The following RNF149 variants were observed in gnomAD, a reference collection of about 807,000 sequenced individuals.
The protein encoded by RNF149 is E3 ubiquitin-protein ligase RNF149.
Under a neutral mutation model 39.0 loss-of-function variants are expected in RNF149, and 21 were observed. The observed-to-expected ratio is 0.54, with a 90% CI of 0.38 to 0.77. The LOEUF (loss-of-function observed/expected upper bound fraction) is 0.77. RNF149 is among the 30% of genes least tolerant of loss of function. The probability of loss-of-function intolerance (pLI) is 0.00; values close to 1 mark genes in which losing one functional copy is unlikely to be tolerated. For synonymous variants in RNF149, 209 were observed against 213.6 expected (o/e 0.98, Z 0.19); for missense variants, 493 against 534.9 (o/e 0.92, Z 0.77).
downstream of RNF149, among the ~76,000 whole-genome samples, chr2:101,274,200 A>C (rs368349627): frequency 4.6e-5 from 7 of 152,178 alleles, no homozygotes; most frequent in South Asian, 2.1e-4. Context: ...TCACCTTGCC[A>C]AAGACCACAT....
chr2:101,307,827 T>A (rs75565834), intron 1 of RNF149: 1 of 978,236 alleles, frequency 1.0e-6, no homozygotes. Flanking sequence ...TTAGGAATCA[T>A]GAGATTTCCT....
At chr2:101,308,005 C>T (rs963560221) in intron 1 of RNF149, 124 bp downstream of exon 1, 8 of 1,455,560 alleles carry the variant, frequency 5.5e-6, no homozygotes, top group Admixed American at 2.8e-5. Context: ...AAAGTTCCAA[C>T]AGCCAGAGGC....
intron 1 of RNF149, among the ~76,000 whole-genome samples, chr2:101,296,730 A>G (rs1288519437): frequency 6.6e-6 from 1 of 152,128 alleles, no homozygotes; most frequent in Non-Finnish European, 1.5e-5. Flanking sequence ...TAAAGACTTA[A>G]GTGTATATAT....
intron 1 of RNF149, among the ~76,000 whole-genome samples, chr2:101,305,323 C>A (rs1013209787): frequency 1.3e-5 from 2 of 152,108 alleles, no homozygotes; most frequent in Non-Finnish European, 2.9e-5. Context: ...GAATTAATTC[C>A]ATTCTCAAAA....
In RNF149 at chr2:101,295,033, A is replaced by G. The variant is rs776712042; in HGVS notation, c.609T>C (p.Phe203=). ...QEFISGQSVV[F]VAIAFITMMI... is the part of the protein sequence containing the mutation. Reference sequence around the variant, plus strand: ...TCATGGTGATGAAGGCAATGGCCACAAACACCACAGACTGACCGCTGATGA... The same window carrying G: ...TCATGGTGATGAAGGCAATGGCCACGAACACCACAGACTGACCGCTGATGA... The change falls in exon 2 of 7, where the codon TTT becomes TTC. Residue 203 remains phenylalanine (F), a synonymous_variant. Coordinates refer to ENST00000295317, the MANE Select transcript of RNF149 (RefSeq NM_173647.4). 3 of 1,614,064 alleles carry G rather than the reference A, an allele frequency of 1.9e-6. No individual in the cohort carries two copies. Among genetic ancestry groups the G allele is most frequent in the East Asian group, 4.5e-5 (2 of 44,888 alleles).
At chr2:101,273,655 G>A (rs1276613529), downstream of RNF149, among the ~76,000 whole-genome samples, 1 of 151,828 alleles carries the variant, frequency 6.6e-6, no homozygotes, top group Non-Finnish European at 1.5e-5. Context: ...TAAATTTTTA[G>A]TAGAGATGAG....
downstream of RNF149, chr2:101,272,850 G>A (rs1435348101): frequency 1.1e-6 from 1 of 884,716 alleles, no homozygotes; most frequent in African/African-American, 1.7e-5. Context: ...ACCTATTCCT[G>A]AAGGTCTATT....
intron 4 of RNF149, among the ~76,000 whole-genome samples, chr2:101,288,541 C>T (rs1395541341): frequency 3.9e-5 from 6 of 152,048 alleles, no homozygotes; most frequent in Non-Finnish European, 8.8e-5. Flanking sequence ...TTTAAACAAC[C>T]TCAGAAGGAA....
Position 101,276,413 on chromosome 2 carries a change from T to G in RNF149, c.*825A>C, listed in dbSNP as rs984602835. The G allele has an allele frequency of 1.0e-6, 1 of 985,712 alleles. No individual in the cohort carries two copies. Among genetic ancestry groups the G allele is most frequent in the Admixed American group, 6.1e-5 (1 of 16,266 alleles). 61.1% of individuals were successfully genotyped at this position (985,712 alleles called of 1,614,324 possible). The stretch of plus-strand genomic sequence containing the variant: ...GTTATTTCGAGTCAACAACAAAAAC[T>G]AAAATTCTACATCTTTCGCCCTTTT... On this transcript the variant is annotated 3_prime_UTR_variant, in exon 7 of 7. Transcript: ENST00000295317.
At chr2:101,273,145 T>G, downstream of RNF149, 1 of 1,342,274 alleles carries the variant, frequency 7.5e-7, no homozygotes, top group Non-Finnish European at 9.9e-7. Context: ...TGGTGTGTGT[T>G]TTTACACCTC....
chr2:101,296,241 T>C (rs1683228235), intron 1 of RNF149, among the ~76,000 whole-genome samples: 1 of 152,204 alleles, frequency 6.6e-6, no homozygotes, highest in African/African-American at 2.4e-5. Context: ...ATCACTATTA[T>C]TTAGCATTGC....
chr2:101,302,856 T>G (rs1428151348), intron 1 of RNF149, among the ~76,000 whole-genome samples: 1 of 152,080 alleles, frequency 6.6e-6, no homozygotes, highest in Non-Finnish European at 1.5e-5. Flanking sequence ...AGCATGCACC[T>G]GTAGTCCCAG....
chr2:101,300,807 G>A (rs897718073), intron 1 of RNF149, among the ~76,000 whole-genome samples: 1 of 152,222 alleles, frequency 6.6e-6, no homozygotes, highest in Non-Finnish European at 1.5e-5. Context: ...GAACATTTCA[G>A]GGGATGAACT....
In RNF149 at chr2:101,308,445, G is replaced by A. The variant is rs200296257; in HGVS notation, c.144C>T (p.Asp48=). ...TCCACACCGTCAGGTTGGTCTGCGG[G>A]TCCACGTACTCGATGTTTACCACGG... ...FSAVVNIEYV[D]PQTNLTVWSV... is the part of the protein sequence containing the mutation. Residue 48 remains aspartate, a synonymous_variant, in exon 1 of 7, where the codon GAC becomes GAT. Transcript: ENST00000295317. 2.9e-4 allele frequency: 467 copies of A among 1,611,520 alleles called. No homozygotes were observed. Among genetic ancestry groups the A allele is most frequent in the Non-Finnish European group, 3.7e-4 (441 of 1,179,406 alleles).
intron 1 of RNF149, among the ~76,000 whole-genome samples, chr2:101,304,167 C>A (rs1391837941): frequency 6.6e-6 from 1 of 152,188 alleles, no homozygotes; most frequent in Non-Finnish European, 1.5e-5. Flanking sequence ...GAGGCCAAGA[C>A]AGGCAGATCA....
chr2:101,281,759 A>C, intron 6 of RNF149, 100 bp downstream of exon 6: 1 of 1,437,936 alleles, frequency 7.0e-7, no homozygotes, highest in South Asian at 1.2e-5. Context: ...CTCAAACTCG[A>C]GCAATCCTCC....
chr2:101,288,150 A>G (rs1682866468), intron 4 of RNF149, among the ~76,000 whole-genome samples: 1 of 150,660 alleles, frequency 6.6e-6, no homozygotes, highest in Non-Finnish European at 1.5e-5. Context: ...GTCATGAGCC[A>G]CCATGCCCTG....
rs754230277 is a variant in RNF149 at position 101,308,454 on chromosome 2, C to T, written c.135G>A (p.Glu45=). 6.2e-7 allele frequency: 1 copy of T among 1,611,750 alleles called. No individual in the cohort carries two copies. The highest frequency in any genetic ancestry group is 8.5e-7 in the Non-Finnish European group (1 of 1,179,412). ...TCAGGTTGGTCTGCGGGTCCACGTA[C>T]TCGATGTTTACCACGGCCGAGAACC... ...LEWFSAVVNI[E]YVDPQTNLTV... The change falls in exon 1 of 7, where the codon GAG becomes GAA. Residue 45 remains glutamate, a synonymous_variant. Coordinates refer to ENST00000295317, the MANE Select transcript of RNF149 (RefSeq NM_173647.4).
chr2:101,290,586 G>C (rs757831954), intron 3 of RNF149, among the ~76,000 whole-genome samples: 59 of 152,100 alleles, frequency 3.9e-4, no homozygotes, highest in Non-Finnish European at 6.3e-4. Flanking sequence ...TAGTTTTCTG[G>C]AATCATATAA....
Sources: gnomAD v4.1 joint callset for allele counts (sites outside exome capture counted in the v4.1 genomes callset) on GRCh38, gnomAD v4.1.1 for gene constraint, MANE v1.5 for transcripts, NCBI Gene and HGNC (gene_info 2026-07-23, HGNC 2026-07-21) for gene names.